Variants in C12orf71 observed in about 807,000 individuals in gnomAD.
C12orf71 encodes uncharacterized protein C12orf71.
Under a neutral mutation model 11.7 loss-of-function variants are expected in C12orf71, and 10 were observed. The ratio of observed to expected loss-of-function variants is 0.86; its 90% CI spans 0.53 to 1.45. C12orf71 has a LOEUF of 1.45. Among genes scored for constraint, C12orf71 ranks in the 40% most tolerant of loss-of-function variants. The pLI is 0.00. For missense variants in C12orf71, 293 were observed against 325.8 expected, an observed-to-expected ratio of 0.90 and a Z score of 0.78; for synonymous variants, 110 against 123.4, an observed-to-expected ratio of 0.89 and a Z score of 0.72.
At position 27,081,088 on chromosome 12, in the gene C12orf71, T is replaced by C; in HGVS notation, c.*86A>G. Reference sequence around the variant, plus strand: ...GTAACAAGAGCATTTATTTTGTTTATTGAGGAAAAAACAAACTGATGGGGA... The same window carrying C: ...GTAACAAGAGCATTTATTTTGTTTACTGAGGAAAAAACAAACTGATGGGGA... On this transcript the variant is annotated 3_prime_UTR_variant, in exon 2 of 2. Coordinates refer to ENST00000429849, the MANE Select transcript of C12orf71 (RefSeq NM_001080406.2). The C allele has an allele frequency of 2.0e-6, 2 of 1,013,428 alleles. No homozygotes were observed. Among genetic ancestry groups the C allele is most frequent in the South Asian group, 3.3e-5 (2 of 60,912 alleles). 62.8% of individuals were successfully genotyped at this position (1,013,428 alleles called of 1,614,324 possible).
rs377749308 is a variant in C12orf71 at position 27,081,391 on chromosome 12, T to C, written c.593A>G (p.Lys198Arg). The change falls in exon 2 of 2, where the codon AAG becomes AGG. Residue 198 changes from lysine (K) to arginine (R), a missense_variant. By Grantham distance (26) the Lys-to-Arg change is conservative. Coordinates refer to ENST00000429849, the MANE Select transcript of C12orf71 (RefSeq NM_001080406.2). ...CTGTGTGTGTGAAGGAGTGTCATCC[T>C]TCTCTGGCTGCTCTGACAGGATTGA... is the stretch of plus-strand genomic sequence containing the variant. ...ISSILSEQPE[K>R]DDTPSHTQAQ... 3 of 1,613,912 alleles carry C rather than the reference T, an allele frequency of 1.9e-6. No individual in the cohort carries two copies. Among genetic ancestry groups the C allele is most frequent in the East Asian group, 2.2e-5 (1 of 44,892 alleles).
chr12:27,081,760 C>T (rs1327811878), intron 1 of C12orf71: 2 of 725,742 alleles, frequency 2.8e-6, no homozygotes, highest in African/African-American at 3.5e-5. Context: ...GTCAGTCCCC[C>T]TGGGACCTGC....
At chr12:27,083,122 A>G (rs1035229701), upstream of C12orf71, among the ~76,000 whole-genome samples, 2 of 151,874 alleles carry the variant, frequency 1.3e-5, no homozygotes, top group African/African-American at 2.4e-5. Context: ...TTGTATTTTT[A>G]GTAGAGAAGG....
upstream of C12orf71, chr12:27,082,632 C>T (rs1428959398): frequency 4.3e-5 from 24 of 559,260 alleles, no homozygotes; most frequent in East Asian, 1.0e-4. Flanking sequence ...TTTTTTGAGA[C>T]GAAGTCTCAC....
Position 27,082,061 on chromosome 12 carries a change from A to G in C12orf71, c.423T>C (p.Phe141=). 1.2e-6 allele frequency: 2 copies of G among 1,605,134 alleles called. No individual in the cohort carries two copies. Among genetic ancestry groups the G allele is most frequent in the Non-Finnish European group, 1.7e-6 (2 of 1,175,124 alleles). ...LNNLVQEFQI[F]LENLKDDDAV... ...CGTCATCATCTTTCAGATTTTCTAG[A>G]AATATCTGAAACTCTTGCACAAGAT... Residue 141 remains phenylalanine, a synonymous_variant, in exon 1 of 2, where the codon TTT becomes TTC. Coordinates refer to ENST00000429849, the MANE Select transcript of C12orf71 (RefSeq NM_001080406.2).
intron 1 of C12orf71, 125 bp from the exon 2 acceptor site, chr12:27,081,592 A>G: frequency 1.1e-6 from 1 of 882,642 alleles, no homozygotes. Context: ...GCAGAGTTTC[A>G]ATGCTCATCA....
chr12:27,083,569 G>A (rs576319205), upstream of C12orf71, among the ~76,000 whole-genome samples: 1 of 152,124 alleles, frequency 6.6e-6, no homozygotes, highest in South Asian at 2.1e-4. Flanking sequence ...TATACAATAT[G>A]TCCACATACA....
At position 27,082,542 on chromosome 12, in the gene C12orf71, A is replaced by G; in HGVS notation, c.-59T>C. The G allele has an allele frequency of 7.3e-7, 1 of 1,367,464 alleles. No homozygotes were observed. The highest frequency in any genetic ancestry group is 9.7e-7 in the Non-Finnish European group (1 of 1,034,238). 84.7% of individuals were successfully genotyped at this position (1,367,464 alleles called of 1,614,324 possible). ...GAAGCTTCAAAAAAGAAAAAAGAAA[A>G]AATAGGTGGGACTAAGGAGAAGAGA... On this transcript the variant is annotated 5_prime_UTR_variant, in exon 1 of 2. Coordinates refer to ENST00000429849, the MANE Select transcript of C12orf71 (RefSeq NM_001080406.2).
chr12:27,083,017 C>T (rs841249), upstream of C12orf71, among the ~76,000 whole-genome samples: 139,218 of 151,894 alleles, frequency 0.92, 63,983 homozygotes, highest in East Asian at 1. Flanking sequence ...GTCAGCTCAC[C>T]GCAACCTCCG....
intron 1 of C12orf71, 104 bp downstream of exon 1, chr12:27,081,864 C>G: frequency 8.3e-7 from 1 of 1,201,510 alleles, no homozygotes; most frequent in Non-Finnish European, 1.2e-6. Flanking sequence ...CAGCTCATGT[C>G]CCTTAAGCCT....
upstream of C12orf71, among the ~76,000 whole-genome samples, chr12:27,083,978 A>C (rs1455341142): frequency 6.6e-6 from 1 of 152,222 alleles, no homozygotes; most frequent in African/African-American, 2.4e-5. Context: ...ACACAGACAC[A>C]CACACACAAA....
chr12:27,081,790 G>A, intron 1 of C12orf71, 178 bp downstream of exon 1: 1 of 763,538 alleles, frequency 1.3e-6, no homozygotes, highest in East Asian at 2.7e-5. Context: ...GTGGTCATAA[G>A]ATTCTGTGGT....
upstream of C12orf71, among the ~76,000 whole-genome samples, chr12:27,083,130 A>T (rs1941951495): frequency 1.3e-5 from 2 of 151,356 alleles, no homozygotes; most frequent in South Asian, 2.1e-4. Flanking sequence ...TTAGTAGAGA[A>T]GGGGTTTCAC....
upstream of C12orf71, among the ~76,000 whole-genome samples, chr12:27,083,745 A>G (rs950572026): frequency 2.0e-5 from 3 of 152,126 alleles, no homozygotes; most frequent in African/African-American, 2.4e-5. Flanking sequence ...ATCTTTGACT[A>G]TGTCTCTTAT....
At chr12:27,081,568 G>T in intron 1 of C12orf71, 101 bp from the exon 2 acceptor site, 1 of 1,209,022 alleles carries the variant, frequency 8.3e-7, no homozygotes, top group Non-Finnish European at 1.2e-6. Context: ...ACCAAAAATA[G>T]CCCAAGTGTC....
chr12:27,082,605 C>A, upstream of C12orf71: 1 of 707,746 alleles, frequency 1.4e-6, no homozygotes. Context: ...CCATTCCCTT[C>A]TCTTTTTTCT....
upstream of C12orf71, among the ~76,000 whole-genome samples, chr12:27,084,059 A>G (rs1052204176): frequency 2.6e-5 from 4 of 152,250 alleles, no homozygotes; most frequent in African/African-American, 9.6e-5. Flanking sequence ...TGAGGCAAAA[A>G]AAGGAGACAC....
rs1941931491 is a variant in C12orf71 at position 27,081,407 on chromosome 12, A to G, written c.577T>C (p.Ser193Pro). Reference protein sequence around the residue: ...TSAPEISSILSEQPEKDDTPS... With the variant: ...TSAPEISSILPEQPEKDDTPS... ...GTGTCATCCTTCTCTGGCTGCTCTGACAGGATTGAGGAGATCTCTGGAGCG... is the reference window on the plus strand; with the variant it reads ...GTGTCATCCTTCTCTGGCTGCTCTGGCAGGATTGAGGAGATCTCTGGAGCG... Residue 193 changes from serine to proline, a missense_variant, in exon 2 of 2, where the codon TCA (serine) becomes CCA (proline). Coordinates refer to ENST00000429849, the MANE Select transcript of C12orf71 (RefSeq NM_001080406.2). 6.2e-7 allele frequency: 1 copy of G among 1,613,976 alleles called. No homozygotes were observed. The highest frequency in any genetic ancestry group is 2.2e-5 in the East Asian group (1 of 44,890).
Position 27,082,112 on chromosome 12 carries a change from T to C in C12orf71, c.372A>G (p.Thr124=). 6.2e-7 allele frequency: 1 copy of C among 1,613,034 alleles called. No homozygotes were observed. The highest frequency in any genetic ancestry group is 8.5e-7 in the Non-Finnish European group (1 of 1,179,378). The change falls in exon 1 of 2, where the codon ACA becomes ACG. Residue 124 remains threonine, a synonymous_variant. Coordinates refer to ENST00000429849, the MANE Select transcript of C12orf71 (RefSeq NM_001080406.2). The part of the protein sequence containing the change: ...LWIDKLPKER[T]KLSVGKLNNL... ...TATTCAGTTTGCCAACAGACAGTTT[T>C]GTTCTCTCTTTTGGTAACTTGTCTA...
Sources: gnomAD v4.1 joint callset for allele counts (sites outside exome capture counted in the v4.1 genomes callset) on GRCh38, gnomAD v4.1.1 for gene constraint, MANE v1.5 for transcripts, NCBI Gene and HGNC (gene_info 2026-07-23, HGNC 2026-07-21) for gene names.